NTMT1: variants seen among roughly 807,000 people sequenced by gnomAD.
NTMT1 encodes N-terminal RCC1 methyltransferase.
NTMT1 carries 8 observed loss-of-function variants against 17.5 expected under a neutral mutation model. That is an observed-to-expected ratio of 0.46 (90% CI 0.27 to 0.82). NTMT1 has a LOEUF of 0.82. NTMT1 is among the 40% of genes least tolerant of loss of function. The probability of loss-of-function intolerance (pLI) is 0.15; values close to 1 mark genes in which losing one functional copy is unlikely to be tolerated. For missense variants in NTMT1, 221 were observed against 303.5 expected, an observed-to-expected ratio of 0.73 and a Z score of 2.02; for synonymous variants, 128 against 126.8, an observed-to-expected ratio of 1.01 and a Z score of -0.06.
At chr9:129,612,374 G>C (rs372409652) in intron 1 of NTMT1, 6 of 1,613,818 alleles carry the variant, frequency 3.7e-6, no homozygotes, top group Non-Finnish European at 5.1e-6. Context: ...GCAGTGTTGC[G>C]GAGGCCAGGA....
At chr9:129,632,978 C>A in intron 2 of NTMT1, 113 bp downstream of exon 2, 2 of 1,219,116 alleles carry the variant, frequency 1.6e-6, no homozygotes, top group Non-Finnish European at 2.3e-6. Context: ...TTGGCTATCT[C>A]TTGGTACCTA....
rs372305359 is a variant in NTMT1 at position 129,635,281 on chromosome 9, C to T, written c.489C>T (p.Ile163=). The T allele has an allele frequency of 6.2e-5, 100 of 1,613,508 alleles. No individual in the cohort carries two copies. Among genetic ancestry groups the T allele is most frequent in the Non-Finnish European group, 6.2e-5 (73 of 1,179,994 alleles). The change falls in exon 4 of 4, where the codon ATC becomes ATT. Residue 163 remains isoleucine, a synonymous_variant. Transcript: ENST00000372483. ...GCAGCCTCCGCCCCAACGGCATCAT[C>T]GTCATCAAAGACAACATGGCCCAGG... The part of the protein sequence containing the change: ...CKGSLRPNGI[I]VIKDNMAQEG...
intron 1 of NTMT1, chr9:129,615,485 T>C: frequency 6.3e-7 from 1 of 1,589,402 alleles, no homozygotes; most frequent in South Asian, 1.1e-5. Flanking sequence ...TCTGCTTACC[T>C]GAGCGTCTGC....
intron 1 of NTMT1, among the ~76,000 whole-genome samples, chr9:129,630,276 C>T (rs369923720): frequency 1.3e-5 from 2 of 152,088 alleles, no homozygotes; most frequent in Admixed American, 1.3e-4. Flanking sequence ...TGTTTGAGAC[C>T]AGCCTGGGCA....
At chr9:129,626,911 T>C (rs932231683) in intron 1 of NTMT1, among the ~76,000 whole-genome samples, 1 of 152,192 alleles carries the variant, frequency 6.6e-6, no homozygotes, top group East Asian at 1.9e-4. Context: ...GTTTCTCCTC[T>C]GTACTATAAG....
At chr9:129,622,324 C>T (rs1564341393), upstream of NTMT1, among the ~76,000 whole-genome samples, 2 of 152,114 alleles carry the variant, frequency 1.3e-5, no homozygotes, top group South Asian at 4.2e-4. Flanking sequence ...GAAACCTCGT[C>T]TCTACAAAAA....
chr9:129,613,076 T>C lies in NTMT1; in HGVS notation c.-55+3898T>C. The C allele has an allele frequency of 6.2e-7, 1 of 1,612,764 alleles. No individual in the cohort carries two copies. The highest frequency in any genetic ancestry group is 8.5e-7 in the Non-Finnish European group (1 of 1,179,900). On this transcript the variant is annotated intron_variant, in intron 1 of 3. Coordinates refer to the NTMT1 transcript ENST00000372486. This position sits in a 1 kb window ranked among gnomAD's most constrained non-coding sequence, Gnocchi z 6.2. ...AGCTGCCAGCAGGGGCTCACCAGCT[T>C]CTAGGTCCAGGAGCAAGACCATTTG...
intron 3 of NTMT1, 27 bp from the exon 4 acceptor site, chr9:129,635,181 T>TA (rs1381196654): frequency 6.3e-7 from 1 of 1,595,080 alleles, no homozygotes; most frequent in South Asian, 1.1e-5. Context: ...CATGGTGCCC[T>TA]GGTAACCTTG....
rs553216182 is a variant in NTMT1 at position 129,612,753 on chromosome 9, C to A, written c.-55+3575C>A. On this transcript the variant is annotated intron_variant, in intron 1 of 3. Transcript: ENST00000372486. ...ATTAGCTGGGTGTGGTGGTGGGTGT[C>A]CCCATTGCAGAGGTTGCAGTGAGCC... Among the ~76,000 whole-genome samples, 4 of 152,262 alleles carry A rather than the reference C, an allele frequency of 2.6e-5. No homozygotes were observed. The East Asian group carries it at 7.7e-4, about 29-fold the overall frequency.
chr9:129,611,097 A>C (rs1159620349), intron 1 of NTMT1, among the ~76,000 whole-genome samples: 2 of 152,028 alleles, frequency 1.3e-5, no homozygotes, highest in East Asian at 3.9e-4. Context: ...CCTCTCCCAA[A>C]AGGCGTCCCC....
In NTMT1 at chr9:129,620,923, A is replaced by C; in HGVS notation, c.-54-11727A>C. On this transcript the variant is annotated intron_variant, in intron 1 of 3. Transcript: ENST00000372486. This position sits in a 1 kb window ranked among gnomAD's most constrained non-coding sequence, Gnocchi z 5.8. ...ACTAGCTGCCATTCTTAGTATTTCAAAGTTATTATTATTTAGGATTTAGTC... is the reference window on the plus strand; with the variant it reads ...ACTAGCTGCCATTCTTAGTATTTCACAGTTATTATTATTTAGGATTTAGTC... 1 of 228,238 alleles carries C rather than the reference A, an allele frequency of 4.4e-6. No homozygotes were observed. Among genetic ancestry groups the C allele is most frequent in the Non-Finnish European group, 8.5e-6 (1 of 117,990 alleles). 14.1% of individuals were successfully genotyped at this position (228,238 alleles called of 1,614,324 possible).
At position 129,613,203 on chromosome 9, in the gene NTMT1, G is replaced by T. The variant is rs775115872; in HGVS notation, c.-55+4025G>T. On this transcript the variant is annotated intron_variant, in intron 1 of 3. Coordinates refer to the NTMT1 transcript ENST00000372486. This position sits in a 1 kb window ranked among gnomAD's most constrained non-coding sequence, Gnocchi z 6.2. ...TCCATGAACAGAAGGGCAGGCTGCT[G>T]TTCATGGAGGTGTCCTCAGAAAGGT... The T allele has an allele frequency of 1.2e-6, 2 of 1,613,458 alleles. No individual in the cohort carries two copies. The highest frequency in any genetic ancestry group is 1.7e-6 in the Non-Finnish European group (2 of 1,179,928).
Position 129,620,364 on chromosome 9 carries a change from C to T in NTMT1, c.-55+11186C>T. 2 of 1,228,196 alleles carry T rather than the reference C, an allele frequency of 1.6e-6. No homozygotes were observed. The highest frequency in any genetic ancestry group is 1.6e-5 in the African/African-American group (1 of 63,728). The allele number at this position is 1,228,196 out of a possible 1,614,324, so 76.1% of individuals were successfully genotyped here. A position where few individuals can be genotyped will look rare whatever the true frequency, so the allele number is the denominator to read the frequency against. ...CGCGGCGGGAGGCGTCCGACGCCCA[C>T]CCCGGGCTTGGCGTCCCCTTCCGGC... On this transcript the variant is annotated intron_variant, in intron 1 of 3. Coordinates refer to the NTMT1 transcript ENST00000372486. The surrounding 1 kb of genome is among the most constrained non-coding windows in gnomAD (Gnocchi z 5.8).
At chr9:129,624,510 A>T (rs1830835827), upstream of NTMT1, among the ~76,000 whole-genome samples, 1 of 152,226 alleles carries the variant, frequency 6.6e-6, no homozygotes, top group African/African-American at 2.4e-5. Context: ...CTGCGGACTC[A>T]ATGCAGAAGG....
rs1830600205 is a variant in NTMT1 at position 129,620,038 on chromosome 9, C to T, written c.-55+10860C>T. ...CACCCCCCACCGGAAATGACTCGGGCCCGCCCCCCGGGCCCCGCGGGGCCT... is the reference window on the plus strand; with the variant it reads ...CACCCCCCACCGGAAATGACTCGGGTCCGCCCCCCGGGCCCCGCGGGGCCT... On this transcript the variant is annotated intron_variant, in intron 1 of 3. Transcript: ENST00000372486. The surrounding 1 kb of genome is among the most constrained non-coding windows in gnomAD (Gnocchi z 5.8). 2 of 1,454,130 alleles carry T rather than the reference C, an allele frequency of 1.4e-6. No homozygotes were observed. Among genetic ancestry groups the T allele is most frequent in the South Asian group, 1.5e-5 (1 of 68,770 alleles). 90.1% of individuals were successfully genotyped at this position (1,454,130 alleles called of 1,614,324 possible). A position where few individuals can be genotyped will look rare whatever the true frequency, so the allele number is the denominator to read the frequency against.
chr9:129,615,590 C>T lies in NTMT1; in HGVS notation c.-55+6412C>T, dbSNP rs111868243. 1.9e-3 allele frequency: 3,007 copies of T among 1,605,802 alleles called. 42 individuals are homozygous for T. The African/African-American group carries it at 0.03, about 16-fold the overall frequency. The stretch of plus-strand genomic sequence containing the variant: ...GCCTGCAGGGCCTAGAGCCTTCCCC[C>T]GAGGGGTTGTGGGTCAGCGCAGCCT... On this transcript the variant is annotated intron_variant, in intron 1 of 3. Transcript: ENST00000372486.
At chr9:129,625,733 C>G (rs2118913199), upstream of NTMT1, among the ~76,000 whole-genome samples, 1 of 151,932 alleles carries the variant, frequency 6.6e-6, no homozygotes, top group South Asian at 2.1e-4. Context: ...CAAATTAGGC[C>G]AGGTGCGGTG....
chr9:129,629,415 A>G (rs1315029695), intron 1 of NTMT1, among the ~76,000 whole-genome samples: 1 of 151,436 alleles, frequency 6.6e-6, no homozygotes, highest in Non-Finnish European at 1.5e-5. Context: ...TTTTGACACA[A>G]TGTCTCACTC....
intron 3 of NTMT1, 83 bp from the exon 4 acceptor site, chr9:129,635,125 C>T: frequency 6.6e-7 from 1 of 1,504,572 alleles, no homozygotes; most frequent in South Asian, 1.2e-5. Context: ...ATGAGGGGCT[C>T]AGCGGGGCTG....
Sources: gnomAD v4.1 joint callset for allele counts (sites outside exome capture counted in the v4.1 genomes callset) on GRCh38, gnomAD v4.1.1 for gene constraint, Gnocchi (gnomAD v3.1) non-coding constraint, MANE v1.5 for transcripts, NCBI Gene and HGNC (gene_info 2026-07-23, HGNC 2026-07-21) for gene names.